The following AGPAT5 variants were observed in gnomAD, a reference collection of about 807,000 sequenced individuals.
The protein encoded by AGPAT5 is 1-acylglycerol-3-phosphate O-acyltransferase 5.
Under a neutral mutation model 45.6 loss-of-function variants are expected in AGPAT5, and 46 were observed. That is an observed-to-expected ratio of 1.01 (90% CI 0.80 to 1.29). The LOEUF (loss-of-function observed/expected upper bound fraction) is 1.29, where lower values mean the gene tolerates loss of function less well. AGPAT5 is among the 50% of genes most tolerant of loss of function. The pLI is 0.00. For missense variants in AGPAT5, 673 were observed against 450.7 expected (o/e 1.49, Z -4.47); for synonymous variants, 272 against 167.0 (o/e 1.63, Z -4.85).
At chr8:6,729,968 C>G (rs1800808560) in intron 2 of AGPAT5, among the ~76,000 whole-genome samples, 1 of 152,114 alleles carries the variant, frequency 6.6e-6, no homozygotes, top group South Asian at 2.1e-4. Context: ...GTACCGAGTC[C>G]TAAAAACTCA....
chr8:6,754,502 G>C (rs1006022979), intron 6 of AGPAT5, among the ~76,000 whole-genome samples: 1 of 152,166 alleles, frequency 6.6e-6, no homozygotes, highest in African/African-American at 2.4e-5. Flanking sequence ...TGTGTCAGGC[G>C]ACAAGCAAAG....
intron 5 of AGPAT5, among the ~76,000 whole-genome samples, chr8:6,747,317 G>A (rs908995696): frequency 6.6e-6 from 1 of 152,210 alleles, no homozygotes; most frequent in African/African-American, 2.4e-5. Flanking sequence ...GAAATCTTGA[G>A]TCACCATGGG....
intron 2 of AGPAT5, among the ~76,000 whole-genome samples, chr8:6,726,214 C>A (rs1490027725): frequency 6.6e-6 from 1 of 152,210 alleles, no homozygotes; most frequent in Non-Finnish European, 1.5e-5. Flanking sequence ...ACTTCTAATA[C>A]CATTCTGCTT....
intron 1 of AGPAT5, among the ~76,000 whole-genome samples, chr8:6,718,795 T>C (rs965393032): frequency 4.6e-5 from 7 of 152,216 alleles, no homozygotes; most frequent in African/African-American, 1.7e-4. Flanking sequence ...CTCAGGTTAT[T>C]CTTTCATTCC....
chr8:6,731,486 G>A (rs1463258385), intron 3 of AGPAT5, among the ~76,000 whole-genome samples: 1 of 151,894 alleles, frequency 6.6e-6, no homozygotes. Flanking sequence ...CATGTAAATG[G>A]TTGTTATACT....
Position 6,758,466 on chromosome 8 carries a change from A to G in AGPAT5, c.*1078A>G, listed in dbSNP as rs1348365788. 2 of 152,634 alleles carry G rather than the reference A, an allele frequency of 1.3e-5. No homozygotes were observed. The highest frequency in any genetic ancestry group is 2.4e-5 in the African/African-American group (1 of 41,464). The allele number at this position is 152,634 out of a possible 1,614,324, so 9.5% of individuals were successfully genotyped here. A position where few individuals can be genotyped will look rare whatever the true frequency, so the allele number is the denominator to read the frequency against. On this transcript the variant is annotated 3_prime_UTR_variant, in exon 8 of 8. Transcript: ENST00000285518. Reference sequence around the variant, plus strand: ...CGGCTTGCACGCAGACTTGCTAGGAAGAAATGCAGAGCCAGCCTGTGCTGC... The same window carrying G: ...CGGCTTGCACGCAGACTTGCTAGGAGGAAATGCAGAGCCAGCCTGTGCTGC...
chr8:6,738,869 T>C (rs1373267089), intron 4 of AGPAT5, among the ~76,000 whole-genome samples: 1 of 152,188 alleles, frequency 6.6e-6, no homozygotes, highest in Non-Finnish European at 1.5e-5. Context: ...CCACTTTTTG[T>C]ATCCTATTTA....
intron 5 of AGPAT5, chr8:6,745,714 C>A (rs1356129038): frequency 6.6e-6 from 1 of 151,086 alleles, no homozygotes; most frequent in South Asian, 2.1e-4. Flanking sequence ...ATTATTTTTA[C>A]CTTTTTTTTT....
At chr8:6,715,204 C>T (rs1216468945) in intron 1 of AGPAT5, among the ~76,000 whole-genome samples, 4 of 152,090 alleles carry the variant, frequency 2.6e-5, no homozygotes, top group Admixed American at 1.3e-4. Context: ...ATTTACTGTG[C>T]CATGCCAGGT....
chr8:6,731,747 A>AC (rs1275573666), intron 3 of AGPAT5, among the ~76,000 whole-genome samples: 1 of 137,390 alleles, frequency 7.3e-6, no homozygotes, highest in Non-Finnish European at 1.5e-5. Context: ...GTATGATATT[A>AC]AAAAAAAAAA....
chr8:6,747,329 A>G (rs1360041784), intron 5 of AGPAT5, among the ~76,000 whole-genome samples: 1 of 152,258 alleles, frequency 6.6e-6, no homozygotes, highest in Non-Finnish European at 1.5e-5. Context: ...CACCATGGGC[A>G]AGATGCTATC....
chr8:6,758,424 T>G lies in AGPAT5; in HGVS notation c.*1036T>G, dbSNP rs1801917827. 1 of 152,694 alleles carries G rather than the reference T, an allele frequency of 6.5e-6. No individual in the cohort carries two copies. The highest frequency in any genetic ancestry group is 2.4e-5 in the African/African-American group (1 of 41,460). The allele number at this position is 152,694 out of a possible 1,614,324, so 9.5% of individuals were successfully genotyped here. A position where few individuals can be genotyped will look rare whatever the true frequency, so the allele number is the denominator to read the frequency against. Reference sequence around the variant, plus strand: ...GCTCTGGTCCTTCCCTTGGATCCCGTCAGTGGTGCTGCTCAGCGGCTTGCA... The same window carrying G: ...GCTCTGGTCCTTCCCTTGGATCCCGGCAGTGGTGCTGCTCAGCGGCTTGCA... On this transcript the variant is annotated 3_prime_UTR_variant, in exon 8 of 8. Transcript: ENST00000285518.
At chr8:6,755,630 G>A (rs1287828698) in intron 7 of AGPAT5, among the ~76,000 whole-genome samples, 1 of 152,028 alleles carries the variant, frequency 6.6e-6, no homozygotes, top group Non-Finnish European at 1.5e-5. Flanking sequence ...AAATAGAAGG[G>A]GGCAGTTGAC....
intron 1 of AGPAT5, among the ~76,000 whole-genome samples, chr8:6,718,853 C>A (rs1485782373): frequency 6.6e-6 from 1 of 152,168 alleles, no homozygotes; most frequent in East Asian, 1.9e-4. Flanking sequence ...ATTACATCAG[C>A]AACATATAGG....
At chr8:6,730,315 G>GTACTTTT in intron 2 of AGPAT5, among the ~76,000 whole-genome samples, 1 of 46,704 alleles carries the variant, frequency 2.1e-5, no homozygotes, top group Non-Finnish European at 3.2e-5. Context: ...CCTAATCATA[G>GTACTTTT]GACTTTTTTT....
chr8:6,720,583 G>A (rs753776065), intron 1 of AGPAT5, among the ~76,000 whole-genome samples: 1 of 152,116 alleles, frequency 6.6e-6, no homozygotes, highest in Non-Finnish European at 1.5e-5. Context: ...ATGCTACCAA[G>A]CCTTCTGCCA....
chr8:6,743,517 G>C (rs1057007434), intron 5 of AGPAT5, among the ~76,000 whole-genome samples: 12 of 152,190 alleles, frequency 7.9e-5, no homozygotes, highest in Non-Finnish European at 1.2e-4. Flanking sequence ...TTCACAAAAA[G>C]AACAAATTGA....
At chr8:6,754,263 C>T (rs1027792235) in intron 6 of AGPAT5, among the ~76,000 whole-genome samples, 2 of 152,096 alleles carry the variant, frequency 1.3e-5, no homozygotes, top group African/African-American at 4.8e-5. Flanking sequence ...AGACTGTCTC[C>T]TTTTTTCAAA....
Position 6,757,217 on chromosome 8 carries a change from T to G in AGPAT5, c.924T>G (p.Pro308=), listed in dbSNP as rs1801874709. 2 of 1,614,240 alleles carry G rather than the reference T, an allele frequency of 1.2e-6. No individual in the cohort carries two copies. Among genetic ancestry groups the G allele is most frequent in the Admixed American group, 1.7e-5 (1 of 60,034 alleles). The change falls in exon 8 of 8, where the codon CCT becomes CCG. Residue 308 remains proline (P), a synonymous_variant. Transcript: ENST00000285518. ...SPDPERRKRF[P]GKSVNSKLSI... ...ATCCAGAAAGAAGAAAAAGATTTCC[T>G]GGGAAAAGTGTTAATTCCAAATTAA...
Sources: gnomAD v4.1 joint callset for allele counts (sites outside exome capture counted in the v4.1 genomes callset) on GRCh38, gnomAD v4.1.1 for gene constraint, MANE v1.5 for transcripts, NCBI Gene and HGNC (gene_info 2026-07-23, HGNC 2026-07-21) for gene names.